The following GEMIN8 variants were observed in gnomAD, a reference collection of about 807,000 sequenced individuals.
GEMIN8 encodes the protein gem-associated protein 8.
For synonymous variants in GEMIN8, 80 were observed against 78.5 expected (o/e 1.02, Z -0.10); for missense variants, 185 against 205.9 (o/e 0.90, Z 0.62).
the GEMIN8 span, among the ~76,000 whole-genome samples, chrX:13,998,274 A>G: frequency 1.8e-5 from 2 of 109,755 alleles, no homozygotes; most frequent in African/African-American, 6.6e-5. Flanking sequence ...AGGGGGTGAT[A>G]TGGTTTGGCT....
intron 4 of GEMIN8, among the ~76,000 whole-genome samples, chrX:14,012,769 T>C (rs978588824): frequency 5.4e-5 from 6 of 111,333 alleles, no homozygotes; most frequent in African/African-American, 6.6e-5. Flanking sequence ...AACTCGGGGA[T>C]TGAGAAACAG....
At chrX:14,020,850 C>G (rs969131869) in intron 3 of GEMIN8, among the ~76,000 whole-genome samples, 2 of 111,198 alleles carry the variant, frequency 1.8e-5, no homozygotes, top group African/African-American at 6.6e-5. Context: ...AGAGAGAAGA[C>G]TGGATGTTTA....
At chrX:13,996,697 A>G in the GEMIN8 span, among the ~76,000 whole-genome samples, 1 of 111,696 alleles carries the variant, frequency 9.0e-6, no homozygotes, top group African/African-American at 3.3e-5. Context: ...TATCATGTGA[A>G]AAGGAACACA....
At chrX:13,999,572 G>A in the GEMIN8 span, among the ~76,000 whole-genome samples, 2 of 111,593 alleles carry the variant, frequency 1.8e-5, no homozygotes, top group African/African-American at 3.3e-5. Flanking sequence ...CACTGCGCCC[G>A]GCCGGCTGTA....
intron 4 of GEMIN8, among the ~76,000 whole-genome samples, chrX:14,011,510 G>T (rs1923532447): frequency 1.1e-5 from 1 of 94,945 alleles, no homozygotes; most frequent in African/African-American, 4.5e-5. Flanking sequence ...CCAATCCTAT[G>T]GCTCTCTTTT....
the GEMIN8 span, among the ~76,000 whole-genome samples, chrX:13,991,866 T>C: frequency 8.9e-6 from 1 of 112,348 alleles, no homozygotes; most frequent in Non-Finnish European, 1.9e-5. Flanking sequence ...GGTGGCTCTG[T>C]TGTGACTGTT....
intron 1 of GEMIN8, among the ~76,000 whole-genome samples, chrX:14,028,588 TC>T (rs1048593393): frequency 2.8e-5 from 3 of 107,451 alleles, no homozygotes; most frequent in African/African-American, 1.0e-4. Flanking sequence ...TTCAAAACTT[TC>T]CCCCGTCATT....
At chrX:14,003,679 TC>T (rs978808249), downstream of GEMIN8, among the ~76,000 whole-genome samples, 1 of 112,307 alleles carries the variant, frequency 8.9e-6, no homozygotes, top group African/African-American at 3.2e-5. Context: ...GTTTTACTTT[TC>T]AAAAGTACAA....
rs778958276 is a variant in GEMIN8, at chrX:14,008,003, C to T, written c.*910G>A. Reference sequence around the variant, plus strand: ...GTCTGTTTTTGTTTTTGTTTTGAGACGGAGTCTTGCTCTTTCTCTAGGTTG... The same window carrying T: ...GTCTGTTTTTGTTTTTGTTTTGAGATGGAGTCTTGCTCTTTCTCTAGGTTG... On this transcript the variant is annotated 3_prime_UTR_variant, in exon 5 of 5. Transcript: ENST00000680255. Among the ~76,000 whole-genome samples the T allele has an allele frequency of 2.4e-4, 27 of 110,899 alleles. No individual in the cohort carries two copies. The highest frequency in any genetic ancestry group is 8.2e-4 in the African/African-American group (25 of 30,512).
intron 2 of GEMIN8, among the ~76,000 whole-genome samples, chrX:14,024,516 CA>C (rs768354566): frequency 2.5e-4 from 25 of 100,321 alleles, no homozygotes; most frequent in Non-Finnish European, 1.8e-4. Context: ...AAAACAAAAA[CA>C]AAAAAAAAAA....
chrX:14,013,528 T>C (rs1031182582), intron 4 of GEMIN8, among the ~76,000 whole-genome samples: 3 of 111,907 alleles, frequency 2.7e-5, no homozygotes, highest in Non-Finnish European at 5.6e-5. Context: ...TTTGTAGATG[T>C]AATTAAAGGA....
At chrX:13,997,467 C>G in the GEMIN8 span, among the ~76,000 whole-genome samples, 1 of 112,072 alleles carries the variant, frequency 8.9e-6, no homozygotes, top group Non-Finnish European at 1.9e-5. Context: ...CCAGGGGAGA[C>G]TGGCAGAAGA....
chrX:13,992,545 C>T, the GEMIN8 span, among the ~76,000 whole-genome samples: 1 of 111,166 alleles, frequency 9.0e-6, no homozygotes, highest in South Asian at 3.8e-4. Flanking sequence ...AATGCAGACT[C>T]TCATTCAGTG....
the GEMIN8 span, among the ~76,000 whole-genome samples, chrX:13,999,884 G>A: frequency 8.1e-5 from 9 of 111,775 alleles, no homozygotes; most frequent in African/African-American, 2.9e-4. Context: ...CAGAACTTAC[G>A]ACTGGTGATG....
the GEMIN8 span, among the ~76,000 whole-genome samples, chrX:13,988,381 T>C: frequency 9.0e-6 from 1 of 110,564 alleles, no homozygotes; most frequent in Non-Finnish European, 1.9e-5. Flanking sequence ...CTGTCTCTCC[T>C]GAGCATGAGG....
the GEMIN8 span, among the ~76,000 whole-genome samples, chrX:14,001,487 C>T: frequency 8.9e-6 from 1 of 111,740 alleles, no homozygotes; most frequent in Non-Finnish European, 1.9e-5. Flanking sequence ...TATCCCATAA[C>T]ACCTCCTCGC....
chrX:13,984,552 A>G, the GEMIN8 span, among the ~76,000 whole-genome samples: 1 of 111,996 alleles, frequency 8.9e-6, no homozygotes, highest in Non-Finnish European at 1.9e-5. Context: ...TGCAATGCCT[A>G]AAACATTAAT....
At chrX:13,999,004 T>A in the GEMIN8 span, among the ~76,000 whole-genome samples, 1 of 111,884 alleles carries the variant, frequency 8.9e-6, no homozygotes. Context: ...GATAAAAATA[T>A]ATCTCCTCCC....
chrX:13,988,914 G>A, the GEMIN8 span: 1 of 107,941 alleles, frequency 9.3e-6, no homozygotes, highest in Non-Finnish European at 1.9e-5. Context: ...TGAGTGCTAC[G>A]GTGCCCAACA....
Sources: allele counts gnomAD v4.1 joint callset (sites outside exome capture counted in the v4.1 genomes callset), GRCh38; gene constraint gnomAD v4.1.1; transcripts MANE v1.5; gene names NCBI Gene and HGNC (gene_info 2026-07-23, HGNC 2026-07-21).